The following ALPL variants were observed in gnomAD, a reference collection of about 807,000 sequenced individuals.
ALPL encodes the protein alkaline phosphatase, biomineralization associated.
Under a neutral mutation model 51.3 loss-of-function variants are expected in ALPL, and 42 were observed. The observed-to-expected ratio is 0.82, with a 90% CI of 0.64 to 1.06. ALPL has a LOEUF of 1.06. ALPL is among the 50% of genes least tolerant of loss of function. ALPL has a pLI of 0.00. For synonymous variants in ALPL, 279 were observed against 296.4 expected, an observed-to-expected ratio of 0.94 and a Z score of 0.60; for missense variants, 589 against 709.4, an observed-to-expected ratio of 0.83 and a Z score of 1.93.
chr1:21,552,123 C>CCCCCCCCT (rs1553410475), intron 1 of ALPL, among the ~76,000 whole-genome samples: 2 of 50,190 alleles, frequency 4.0e-5, no homozygotes, highest in African/African-American at 7.0e-5. Flanking sequence ...CTTCCCTTTC[C>CCCCCCCCT]TCCCTCCCCT....
intron 1 of ALPL, among the ~76,000 whole-genome samples, chr1:21,529,988 T>G (rs904702960): frequency 3.3e-5 from 5 of 152,206 alleles, no homozygotes; most frequent in Admixed American, 6.5e-5. Context: ...TTGCCCAGGC[T>G]GGTCTCAAAC....
At chr1:21,542,336 C>G (rs1644197565) in intron 1 of ALPL, among the ~76,000 whole-genome samples, 1 of 152,212 alleles carries the variant, frequency 6.6e-6, no homozygotes, top group African/African-American at 2.4e-5. Flanking sequence ...GCCCAGCTGA[C>G]AGGCTAGGGG....
At chr1:21,520,338 G>A (rs1462121055) in intron 1 of ALPL, among the ~76,000 whole-genome samples, 1 of 151,786 alleles carries the variant, frequency 6.6e-6, no homozygotes, top group Non-Finnish European at 1.5e-5. Context: ...TTATGTTGAT[G>A]AGGCTGGTCT....
chr1:21,517,294 C>A (rs1231134809), intron 1 of ALPL, among the ~76,000 whole-genome samples: 8 of 152,190 alleles, frequency 5.3e-5, no homozygotes, highest in South Asian at 4.1e-4. Flanking sequence ...GCTCATAATT[C>A]TTTCCATTTT....
At chr1:21,522,066 A>G (rs897521474) in intron 1 of ALPL, among the ~76,000 whole-genome samples, 12 of 148,416 alleles carry the variant, frequency 8.1e-5, no homozygotes, top group African/African-American at 2.7e-4. Context: ...ACCAATACAT[A>G]TGTCCATTTT....
In ALPL at chr1:21,577,382, G is replaced by A; in HGVS notation, c.1310-1G>A. On this transcript the variant is annotated splice_acceptor_variant, in intron 11 of 11. Coordinates refer to ENST00000374840, the MANE Select transcript of ALPL (RefSeq NM_000478.6). LOFTEE classifies it high-confidence loss of function. ...CAGCAGGTGTTTCCCCTGGCCCACA[G>A]CTCACAACAACTACCAGGCGCAGTC... The A allele has an allele frequency of 6.2e-7, 1 of 1,613,232 alleles. No individual in the cohort carries two copies. Among genetic ancestry groups the A allele is most frequent in the East Asian group, 2.2e-5 (1 of 44,878 alleles).
intron 1 of ALPL, among the ~76,000 whole-genome samples, chr1:21,540,313 CCCTGCTGCTTCTCT>C (rs775514032): frequency 5.0e-5 from 7 of 140,418 alleles, no homozygotes; most frequent in Non-Finnish European, 8.1e-5. Flanking sequence ...TACTGCGCCT[CCCTGCTGCTTCTCT>C]CCTGCCACTA....
chr1:21,549,424 G>C (rs1012359736), intron 1 of ALPL, among the ~76,000 whole-genome samples: 2 of 151,576 alleles, frequency 1.3e-5, no homozygotes, highest in Non-Finnish European at 2.9e-5. Context: ...TCCACCTCAC[G>C]CCTCAAAAGA....
At chr1:21,531,958 C>T (rs893726597) in intron 1 of ALPL, among the ~76,000 whole-genome samples, 6 of 151,796 alleles carry the variant, frequency 4.0e-5, no homozygotes, top group African/African-American at 9.7e-5. Context: ...TCTGTTTCCC[C>T]ATTGTTGCCT....
In ALPL at chr1:21,575,847, C is replaced by T. The variant is rs751292739; in HGVS notation, c.1112C>T (p.Thr371Ile). The change falls in exon 10 of 12, where the codon ACT becomes ATT. Residue 371 changes from threonine to isoleucine, a missense_variant. By Grantham distance (89) the Thr-to-Ile change is moderately conservative. Coordinates refer to ENST00000374840, the MANE Select transcript of ALPL (RefSeq NM_000478.6). ...QAGSLTSSED[T>I]LTVVTADHSH... ...GGCAGCTTGACCTCCTCGGAAGACA[C>T]TCTGACCGTGGTCACTGCGGACCAT... 6.2e-7 allele frequency: 1 copy of T among 1,614,218 alleles called. No individual in the cohort carries two copies. Among genetic ancestry groups the T allele is most frequent in the Non-Finnish European group, 8.5e-7 (1 of 1,180,034 alleles).
intron 11 of ALPL, 97 bp from the exon 12 acceptor site, chr1:21,577,286 G>A (rs1419593685): frequency 1.3e-6 from 2 of 1,582,040 alleles, no homozygotes; most frequent in African/African-American, 2.7e-5. Flanking sequence ...CTGTGAAATG[G>A]GAGCATTCAA....
intron 1 of ALPL, among the ~76,000 whole-genome samples, chr1:21,515,248 A>T (rs939653465): frequency 6.6e-6 from 1 of 152,100 alleles, no homozygotes; most frequent in Non-Finnish European, 1.5e-5. Context: ...TGTGACCTTT[A>T]TTTTATTTTT....
intron 1 of ALPL, among the ~76,000 whole-genome samples, chr1:21,522,847 G>T (rs1410419685): frequency 1.3e-5 from 2 of 152,188 alleles, no homozygotes; most frequent in Non-Finnish European, 2.9e-5. Flanking sequence ...ATAAATCATT[G>T]TAACAGTAAC....
At chr1:21,562,581 G>A (rs983207166) in intron 4 of ALPL, among the ~76,000 whole-genome samples, 4 of 152,110 alleles carry the variant, frequency 2.6e-5, no homozygotes, top group Non-Finnish European at 4.4e-5. Context: ...TAGTTTTGGG[G>A]TCTCTGCTAA....
At chr1:21,538,885 C>A (rs567461161) in intron 1 of ALPL, among the ~76,000 whole-genome samples, 91 of 152,348 alleles carry the variant, frequency 6.0e-4, no homozygotes, top group African/African-American at 2.0e-3. Flanking sequence ...ATGTGACATT[C>A]TCTTGCTGTG....
chr1:21,538,579 C>G (rs1644141094), intron 1 of ALPL, among the ~76,000 whole-genome samples: 1 of 152,212 alleles, frequency 6.6e-6, no homozygotes, highest in African/African-American at 2.4e-5. Context: ...TCCTCAGCCT[C>G]CTCTCACAGG....
intron 1 of ALPL, among the ~76,000 whole-genome samples, chr1:21,512,397 G>C (rs187362216): frequency 5.3e-5 from 8 of 152,230 alleles, no homozygotes; most frequent in East Asian, 3.9e-4. Flanking sequence ...GATCATAAAT[G>C]GTTTTCCAAC....
At chr1:21,547,284 C>A (rs1644264858) in intron 1 of ALPL, among the ~76,000 whole-genome samples, 1 of 151,142 alleles carries the variant, frequency 6.6e-6, no homozygotes, top group Non-Finnish European at 1.5e-5. Flanking sequence ...TCTGACTAAT[C>A]CACAAAGATT....
rs2275377 is a variant in ALPL, at chr1:21,570,394, G to C, written c.862+20G>C. On this transcript the variant is annotated intron_variant, in intron 8 of 11. Transcript: ENST00000374840. ...TATTGGGTAAGTGGAGGGGGTGGAGGGGAGGATGCATGGCTCGGAGCCTGG... is the reference window on the plus strand; with the variant it reads ...TATTGGGTAAGTGGAGGGGGTGGAGCGGAGGATGCATGGCTCGGAGCCTGG... 6.2e-7 allele frequency: 1 copy of C among 1,612,484 alleles called. No individual in the cohort carries two copies. Among genetic ancestry groups the C allele is most frequent in the Admixed American group, 1.7e-5 (1 of 59,880 alleles).
Sources: gnomAD v4.1 joint callset for allele counts (sites outside exome capture counted in the v4.1 genomes callset) on GRCh38, gnomAD v4.1.1 for gene constraint, MANE v1.5 for transcripts, NCBI Gene and HGNC (gene_info 2026-07-23, HGNC 2026-07-21) for gene names.